The following VGLL1 variants were observed in gnomAD, a reference collection of about 807,000 sequenced individuals.
The protein encoded by VGLL1 is transcription cofactor vestigial-like protein 1.
In VGLL1, 4 loss-of-function variants were observed where a neutral mutation model predicts 12.0. That is an observed-to-expected ratio of 0.33 (90% CI 0.16 to 0.76). VGLL1 has a LOEUF of 0.76. Among genes scored for constraint, VGLL1 ranks in the 30% least tolerant of loss-of-function variants. The probability of loss-of-function intolerance (pLI) is 0.60; values close to 1 mark genes in which losing one functional copy is unlikely to be tolerated. For synonymous variants in VGLL1, 87 were observed against 81.2 expected, an observed-to-expected ratio of 1.07 and a Z score of -0.39; for missense variants, 204 against 208.7, an observed-to-expected ratio of 0.98 and a Z score of 0.14.
chrX:136,534,507 ACATTC>A (rs753007876), intron 1 of VGLL1, among the ~76,000 whole-genome samples: 2 of 112,755 alleles, frequency 1.8e-5, no homozygotes, highest in South Asian at 7.3e-4. Context: ...TTGCTGAGTA[ACATTC>A]CATTGTATAA....
intron 3 of VGLL1, among the ~76,000 whole-genome samples, chrX:136,549,620 C>T (rs1403023095): frequency 9.1e-6 from 1 of 109,824 alleles, no homozygotes; most frequent in African/African-American, 3.3e-5. Context: ...GACCACCACC[C>T]CTCCCCTGAA....
At chrX:136,536,819 G>A (rs1375547776) in intron 2 of VGLL1, among the ~76,000 whole-genome samples, 3 of 112,041 alleles carry the variant, frequency 2.7e-5, no homozygotes, top group African/African-American at 6.5e-5. Flanking sequence ...CTGTGACATA[G>A]GGGACAACCA....
intron 2 of VGLL1, among the ~76,000 whole-genome samples, chrX:136,538,104 G>A (rs2075845331): frequency 9.0e-6 from 1 of 111,589 alleles, no homozygotes; most frequent in African/African-American, 3.3e-5. Flanking sequence ...GAAATAAACA[G>A]TCGTACATCT....
At chrX:136,545,292 G>T (rs892532688) in intron 2 of VGLL1, among the ~76,000 whole-genome samples, 2 of 112,000 alleles carry the variant, frequency 1.8e-5, no homozygotes, top group African/African-American at 3.3e-5. Flanking sequence ...GTATGTGTGT[G>T]TGTGTGCATG....
chrX:136,536,723 C>T (rs1275657965), intron 2 of VGLL1, among the ~76,000 whole-genome samples: 1 of 112,352 alleles, frequency 8.9e-6, no homozygotes, highest in African/African-American at 3.2e-5. Flanking sequence ...CTATTGCATA[C>T]TCCTCCATTA....
chrX:136,538,492 C>A (rs1283236383), intron 2 of VGLL1, among the ~76,000 whole-genome samples: 1 of 112,429 alleles, frequency 8.9e-6, no homozygotes, highest in African/African-American at 3.2e-5. Flanking sequence ...CAATATGGCT[C>A]CCTTTACCTT....
intron 2 of VGLL1, among the ~76,000 whole-genome samples, chrX:136,543,860 A>G (rs2075862947): frequency 1.8e-5 from 2 of 111,996 alleles, no homozygotes; most frequent in Admixed American, 1.9e-4. Context: ...AAATCAGGCA[A>G]TCATGGATTA....
chrX:136,545,330 G>A (rs190132184), intron 2 of VGLL1, among the ~76,000 whole-genome samples: 7 of 111,739 alleles, frequency 6.3e-5, no homozygotes, highest in Non-Finnish European at 1.1e-4. Flanking sequence ...GTACATGTTT[G>A]CAACGGTGCA....
At chrX:136,543,179 C>T (rs760780758) in intron 2 of VGLL1, among the ~76,000 whole-genome samples, 4 of 111,796 alleles carry the variant, frequency 3.6e-5, no homozygotes, top group African/African-American at 6.5e-5. Flanking sequence ...GGATATTCAT[C>T]CAAAGACTAG....
At chrX:136,556,420 G>C in intron 4 of VGLL1, 31 bp from the exon 5 acceptor site, 1 of 1,167,416 alleles carries the variant, frequency 8.6e-7, no homozygotes, top group Non-Finnish European at 1.2e-6. Flanking sequence ...GGCCTAACTG[G>C]CTTTCATTAA....
At chrX:136,533,045 A>G (rs1437270822) in intron 1 of VGLL1, among the ~76,000 whole-genome samples, 7 of 111,469 alleles carry the variant, frequency 6.3e-5, no homozygotes, top group Admixed American at 5.7e-4. Flanking sequence ...GGCTCATTTG[A>G]GGATGAAGCT....
intron 2 of VGLL1, among the ~76,000 whole-genome samples, chrX:136,540,453 A>G (rs1300994051): frequency 1.8e-5 from 2 of 111,267 alleles, no homozygotes; most frequent in Non-Finnish European, 3.8e-5. Flanking sequence ...GCATGGCGTC[A>G]CCTTTCTCCA....
intron 2 of VGLL1, among the ~76,000 whole-genome samples, chrX:136,544,438 C>T (rs2075864436): frequency 8.9e-6 from 1 of 112,262 alleles, no homozygotes; most frequent in African/African-American, 3.2e-5. Context: ...GCCCTCCAAC[C>T]CAAGGAGCAT....
intron 2 of VGLL1, among the ~76,000 whole-genome samples, chrX:136,542,727 A>G (rs1160209612): frequency 1.8e-5 from 2 of 112,393 alleles, no homozygotes; most frequent in East Asian, 5.6e-4. Context: ...TCACACAGCC[A>G]GTGAGTGATA....
chrX:136,546,651 T>C, intron 2 of VGLL1, among the ~76,000 whole-genome samples: 1 of 112,492 alleles, frequency 8.9e-6, no homozygotes, highest in Middle Eastern at 4.6e-3. Flanking sequence ...ATTCAGCCCC[T>C]AAGTCATATG....
intron 1 of VGLL1, among the ~76,000 whole-genome samples, chrX:136,532,926 T>A (rs2075829934): frequency 9.1e-6 from 1 of 110,052 alleles, no homozygotes; most frequent in East Asian, 2.8e-4. Flanking sequence ...CAGCCACCCT[T>A]TCTTTAGCCT....
intron 4 of VGLL1, among the ~76,000 whole-genome samples, chrX:136,553,575 G>A (rs988605638): frequency 2.7e-5 from 3 of 112,089 alleles, no homozygotes; most frequent in African/African-American, 9.7e-5. Flanking sequence ...GCCTCCCAAA[G>A]TGCTGGGATT....
chrX:136,550,098 T>G (rs1011873795), intron 3 of VGLL1, among the ~76,000 whole-genome samples: 4 of 112,716 alleles, frequency 3.5e-5, no homozygotes, highest in Non-Finnish European at 5.6e-5. Context: ...AATACCACTC[T>G]GTCATTTCCA....
In VGLL1 at chrX:136,548,831, C is replaced by T. The variant is rs748287798; in HGVS notation, c.457C>T (p.Arg153Trp). The T allele has an allele frequency of 3.7e-5, 45 of 1,210,594 alleles. No homozygotes were observed. The highest frequency in any genetic ancestry group is 5.0e-5 in the Non-Finnish European group (45 of 895,399). The change falls in exon 3 of 5, where the codon CGG (arginine) becomes TGG (tryptophan). Residue 153 changes from arginine to tryptophan, a missense_variant. Coordinates refer to ENST00000370634, the MANE Select transcript of VGLL1 (RefSeq NM_016267.4). Reference sequence around the variant, plus strand: ...TGGCTACTCTCATCCCTTCCCCGCTCGGCACCTGGTTCCAGAGCCCCAGCC... The same window carrying T: ...TGGCTACTCTCATCCCTTCCCCGCTTGGCACCTGGTTCCAGAGCCCCAGCC... ...EPGYSHPFPA[R>W]HLVPEPQPDG...
Sources: gnomAD v4.1 joint callset for allele counts (sites outside exome capture counted in the v4.1 genomes callset) on GRCh38, gnomAD v4.1.1 for gene constraint, MANE v1.5 for transcripts, NCBI Gene and HGNC (gene_info 2026-07-23, HGNC 2026-07-21) for gene names.